LRP1B: variants seen among roughly 807,000 people sequenced by gnomAD.
LRP1B encodes LDL receptor related protein 1B.
A neutral mutation model predicts 556.6 loss-of-function variants in LRP1B; 217 were observed. The observed-to-expected ratio is 0.39, with a 90% CI of 0.35 to 0.44. The LOEUF is 0.44. Among genes scored for constraint, LRP1B ranks in the 20% least tolerant of loss-of-function variants. LRP1B has a pLI of 1.00. For missense variants in LRP1B, 5,053 were observed against 5,620.8 expected (o/e 0.90, Z 3.23); for synonymous variants, 2,047 against 1,865.8 (o/e 1.10, Z -2.50).
intron 2 of LRP1B, among the ~76,000 whole-genome samples, chr2:141,794,642 A>G (rs1695740087): frequency 6.6e-6 from 1 of 152,048 alleles, no homozygotes; most frequent in Non-Finnish European, 1.5e-5. Context: ...TATTTAGGGT[A>G]TGGTACTAAT....
At chr2:141,542,164 T>C (rs1242196737) in intron 2 of LRP1B, among the ~76,000 whole-genome samples, 1 of 152,044 alleles carries the variant, frequency 6.6e-6, no homozygotes, top group Non-Finnish European at 1.5e-5. Context: ...ATTTGAACAA[T>C]TGCAAGCTTT....
rs1189767729 is a variant in LRP1B, at chr2:140,886,220, A to C, written c.3882T>G (p.Asp1294Glu). 6.2e-7 allele frequency: 1 copy of C among 1,610,632 alleles called. No individual in the cohort carries two copies. The highest frequency in any genetic ancestry group is 8.5e-7 in the Non-Finnish European group (1 of 1,177,310). ...AAAGTAAACTTTGATTGAAGTGAAAATCAAGTGCTATTGTGTTTCTCAATC... is the reference window on the plus strand; with the variant it reads ...AAAGTAAACTTTGATTGAAGTGAAACTCAAGTGCTATTGTGTTTCTCAATC... ...VPGLRNTIAL[D>E]FHFNQSLLYW... The change falls in exon 24 of 91, where the codon GAT (aspartate) becomes GAG (glutamate). Residue 1294 changes from aspartate (D) to glutamate (E), a missense_variant. By Grantham distance (45) the Asp-to-Glu change is conservative. Around this residue, in one of 5 missense-constraint regions of LRP1B, gnomAD observed 3,619 missense variants for 3,931.9 expected, o/e 0.92. Coordinates refer to ENST00000389484, the MANE Select transcript of LRP1B (RefSeq NM_018557.3).
rs549569160 is a variant in LRP1B at position 141,293,136 on chromosome 2, C to A, written c.344-38495G>T. On this transcript the variant is annotated intron_variant, in intron 3 of 90. Transcript: ENST00000389484. ...TGTAGAATTTTAAGTGGTGAGATGT[C>A]AAATGAAGGAGGAGAACATAAGTCT... 2.6e-5 allele frequency among the ~76,000 whole-genome samples: 4 copies of A among 152,118 alleles called. No homozygotes were observed. In the East Asian group the frequency reaches 7.7e-4, roughly 29 times the overall value.
At chr2:140,287,918 A>G (rs1027823986) in intron 84 of LRP1B, among the ~76,000 whole-genome samples, 2 of 136,866 alleles carry the variant, frequency 1.5e-5, no homozygotes, top group African/African-American at 5.3e-5. Flanking sequence ...TTTATTTGGA[A>G]AATGTAGTGG....
At chr2:141,049,947 T>A (rs1166571168) in intron 10 of LRP1B, among the ~76,000 whole-genome samples, 1 of 152,072 alleles carries the variant, frequency 6.6e-6, no homozygotes, top group Non-Finnish European at 1.5e-5. Flanking sequence ...TCAAGGTAGC[T>A]CTTTCTATAA....
At chr2:141,003,615 T>C (rs1697486746) in intron 15 of LRP1B, among the ~76,000 whole-genome samples, 1 of 152,036 alleles carries the variant, frequency 6.6e-6, no homozygotes, top group African/African-American at 2.4e-5. Flanking sequence ...CCACCATCCA[T>C]GTAAGATGTG....
intron 86 of LRP1B, among the ~76,000 whole-genome samples, chr2:140,258,945 A>G (rs1316038877): frequency 1.3e-5 from 2 of 152,170 alleles, no homozygotes; most frequent in Non-Finnish European, 2.9e-5. Flanking sequence ...TTTTTCTATC[A>G]GATGACTATG....
intron 1 of LRP1B, among the ~76,000 whole-genome samples, chr2:142,024,667 T>G (rs1703448764): frequency 6.6e-6 from 1 of 151,054 alleles, no homozygotes; most frequent in South Asian, 2.1e-4. Flanking sequence ...CTACAGAATT[T>G]TATTTAAAAA....
intron 20 of LRP1B, among the ~76,000 whole-genome samples, chr2:140,931,508 T>A (rs10496861): frequency 8.6e-5 from 13 of 151,918 alleles, no homozygotes; most frequent in Admixed American, 5.3e-4. Flanking sequence ...ATTTCAAGAC[T>A]TTATATAGGT....
intron 43 of LRP1B, among the ~76,000 whole-genome samples, chr2:140,567,676 C>G (rs1294433384): frequency 1.3e-5 from 2 of 152,196 alleles, no homozygotes; most frequent in Non-Finnish European, 2.9e-5. Context: ...CATAGCTACT[C>G]CAAACAACTA....
intron 7 of LRP1B, among the ~76,000 whole-genome samples, chr2:141,126,791 T>C (rs1254360058): frequency 6.6e-6 from 1 of 152,180 alleles, no homozygotes; most frequent in Non-Finnish European, 1.5e-5. Context: ...CTTCCCTTTT[T>C]ACTAGCTCAG....
intron 57 of LRP1B, among the ~76,000 whole-genome samples, chr2:140,492,338 C>CA (rs1688733786): frequency 6.6e-6 from 1 of 152,092 alleles, no homozygotes; most frequent in Non-Finnish European, 1.5e-5. Flanking sequence ...TTAAAACTGG[C>CA]ATAAACATAC....
chr2:141,240,563 A>G (rs1683827626), intron 5 of LRP1B, among the ~76,000 whole-genome samples: 1 of 151,928 alleles, frequency 6.6e-6, no homozygotes, highest in African/African-American at 2.4e-5. Flanking sequence ...TTTTATTTTC[A>G]TTAAAATATC....
chr2:141,897,899 C>T (rs1200335119), intron 1 of LRP1B, among the ~76,000 whole-genome samples: 2 of 152,132 alleles, frequency 1.3e-5, no homozygotes, highest in Non-Finnish European at 2.9e-5. Flanking sequence ...CACACGTGCA[C>T]ACACTTACAT....
intron 2 of LRP1B, among the ~76,000 whole-genome samples, chr2:141,714,676 A>G (rs984372916): frequency 6.6e-6 from 1 of 152,168 alleles, no homozygotes; most frequent in Non-Finnish European, 1.5e-5. Context: ...ATGACCTGGC[A>G]GGAAGCTGCA....
At chr2:140,657,713 G>A (rs1684942768) in intron 41 of LRP1B, among the ~76,000 whole-genome samples, 1 of 149,602 alleles carries the variant, frequency 6.7e-6, no homozygotes, top group Non-Finnish European at 1.5e-5. Flanking sequence ...CAGTAAGCTA[G>A]AAATTAAATT....
intron 7 of LRP1B, among the ~76,000 whole-genome samples, chr2:141,074,978 C>T (rs1004107417): frequency 2.0e-5 from 3 of 152,090 alleles, no homozygotes; most frequent in Non-Finnish European, 2.9e-5. Flanking sequence ...TCTTTAATGA[C>T]ATTTCTTCAA....
intron 43 of LRP1B, among the ~76,000 whole-genome samples, chr2:140,577,009 C>A (rs543259547): frequency 5.3e-5 from 8 of 151,984 alleles, no homozygotes; most frequent in Non-Finnish European, 1.2e-4. Flanking sequence ...TGAATTCTAT[C>A]CCAGTGCAGT....
At chr2:141,627,466 C>T (rs1688741936) in intron 2 of LRP1B, among the ~76,000 whole-genome samples, 1 of 152,120 alleles carries the variant, frequency 6.6e-6, no homozygotes, top group South Asian at 2.1e-4. Context: ...AGGAAGTGGG[C>T]CGCACAGCAG....
Sources: gnomAD v4.1 joint callset for allele counts (sites outside exome capture counted in the v4.1 genomes callset) on GRCh38, gnomAD v4.1.1 for gene constraint, gnomAD v4.1.1 regional missense constraint, MANE v1.5 for transcripts, NCBI Gene and HGNC (gene_info 2026-07-23, HGNC 2026-07-21) for gene names.